Variants in GUCY1A2 observed in about 807,000 individuals in gnomAD.
GUCY1A2 encodes guanylate cyclase soluble subunit alpha-2.
A neutral mutation model predicts 63.5 loss-of-function variants in GUCY1A2; 27 were observed. The ratio of observed to expected loss-of-function variants is 0.43; its 90% CI spans 0.31 to 0.59. The LOEUF is 0.59. GUCY1A2 is among the 20% of genes least tolerant of loss of function. The pLI, the probability that GUCY1A2 is intolerant of heterozygous loss-of-function variation, is 0.11. For synonymous variants in GUCY1A2, 364 were observed against 343.5 expected (o/e 1.06, Z -0.66); for missense variants, 768 against 913.3 (o/e 0.84, Z 2.05).
At chr11:106,827,218 G>A (rs1447920776) in intron 4 of GUCY1A2, 2 of 1,525,450 alleles carry the variant, frequency 1.3e-6, no homozygotes, top group Non-Finnish European at 1.8e-6. Flanking sequence ...ATCTGATTTA[G>A]ATTTGCTTCT....
At chr11:106,979,329 C>T (rs1861304270) in intron 2 of GUCY1A2, among the ~76,000 whole-genome samples, 1 of 152,024 alleles carries the variant, frequency 6.6e-6, no homozygotes, top group Non-Finnish European at 1.5e-5. Context: ...GTGGCAGGCG[C>T]CTGTAGTCCC....
chr11:106,933,095 CA>C (rs1009017967), intron 4 of GUCY1A2, among the ~76,000 whole-genome samples: 2 of 152,010 alleles, frequency 1.3e-5, no homozygotes, highest in African/African-American at 4.8e-5. Flanking sequence ...AGCAACAAAA[CA>C]AAACAAAAAT....
intron 1 of GUCY1A2, among the ~76,000 whole-genome samples, chr11:107,008,524 GTACCAAA>G (rs1312262110): frequency 1.3e-5 from 2 of 152,148 alleles, no homozygotes; most frequent in African/African-American, 2.4e-5. Flanking sequence ...CAAAAGAGCA[GTACCAAA>G]TACATCATAA....
chr11:106,892,430 A>C (rs984939330), intron 4 of GUCY1A2, among the ~76,000 whole-genome samples: 6 of 152,112 alleles, frequency 3.9e-5, no homozygotes, highest in Admixed American at 3.9e-4. Context: ...TGGACTTTCA[A>C]CTAAGACCAG....
intron 6 of GUCY1A2, among the ~76,000 whole-genome samples, chr11:106,731,032 A>G (rs1206907696): frequency 1.3e-5 from 2 of 151,904 alleles, no homozygotes; most frequent in Non-Finnish European, 2.9e-5. Flanking sequence ...TATATTTTCT[A>G]CCATTCTGGA....
intron 1 of GUCY1A2, among the ~76,000 whole-genome samples, chr11:106,990,230 A>C (rs1003352407): frequency 6.6e-6 from 1 of 152,194 alleles, no homozygotes; most frequent in Non-Finnish European, 1.5e-5. Flanking sequence ...TGTGGTTCAA[A>C]CAGTGGGTAC....
At chr11:106,848,636 A>G (rs1206612472) in intron 4 of GUCY1A2, among the ~76,000 whole-genome samples, 1 of 151,620 alleles carries the variant, frequency 6.6e-6, no homozygotes, top group Non-Finnish European at 1.5e-5. Context: ...ATTATGATGG[A>G]AAAGTACCAA....
intron 2 of GUCY1A2, among the ~76,000 whole-genome samples, chr11:106,980,007 T>C (rs1347488829): frequency 2.0e-5 from 3 of 152,166 alleles, no homozygotes; most frequent in Admixed American, 6.5e-5. Context: ...CCACAGCTGG[T>C]AGAGATTGGG....
intron 6 of GUCY1A2, among the ~76,000 whole-genome samples, chr11:106,731,686 A>C (rs2135372046): frequency 6.6e-6 from 1 of 152,308 alleles, no homozygotes; most frequent in Non-Finnish European, 1.5e-5. Flanking sequence ...ACTTCAGCAA[A>C]GTTTCAGGAT....
chr11:106,942,159 T>G (rs886265128), intron 3 of GUCY1A2, among the ~76,000 whole-genome samples: 1 of 152,202 alleles, frequency 6.6e-6, no homozygotes, highest in Admixed American at 6.5e-5. Context: ...CATAAATACT[T>G]AAATCAATAC....
chr11:106,911,049 A>G (rs1173889574), intron 4 of GUCY1A2, among the ~76,000 whole-genome samples: 1 of 151,972 alleles, frequency 6.6e-6, no homozygotes, highest in Non-Finnish European at 1.5e-5. Flanking sequence ...TTCAGTAAGT[A>G]TGTATTAAAG....
At chr11:106,955,187 GTCT>G (rs1365751174) in intron 3 of GUCY1A2, among the ~76,000 whole-genome samples, 1 of 151,976 alleles carries the variant, frequency 6.6e-6, no homozygotes, top group Non-Finnish European at 1.5e-5. Context: ...GGTCAGGCTG[GTCT>G]TGAACTCCCA....
At chr11:106,996,823 A>C (rs932007925) in intron 1 of GUCY1A2, among the ~76,000 whole-genome samples, 15 of 152,176 alleles carry the variant, frequency 9.9e-5, no homozygotes, top group Admixed American at 9.8e-4. Flanking sequence ...ACTTCTCTTG[A>C]AAGAAAAAAC....
intron 1 of GUCY1A2, among the ~76,000 whole-genome samples, chr11:107,015,204 T>C (rs1861802940): frequency 6.6e-6 from 1 of 152,198 alleles, no homozygotes; most frequent in Admixed American, 6.5e-5. Flanking sequence ...TATATTCACC[T>C]GTATGTTCTC....
chr11:106,992,531 C>T (rs1861483891), intron 1 of GUCY1A2, among the ~76,000 whole-genome samples: 1 of 151,798 alleles, frequency 6.6e-6, no homozygotes, highest in African/African-American at 2.4e-5. Context: ...GGGGTTTCAC[C>T]ATGTTGGCCA....
chr11:107,001,059 A>C (rs2120181689), intron 1 of GUCY1A2, among the ~76,000 whole-genome samples: 1 of 152,310 alleles, frequency 6.6e-6, no homozygotes, highest in Admixed American at 6.5e-5. Context: ...AATTTGCTGA[A>C]GGGGTAATAT....
chr11:106,975,756 C>T (rs1861253821), intron 3 of GUCY1A2, among the ~76,000 whole-genome samples: 1 of 152,158 alleles, frequency 6.6e-6, no homozygotes, highest in African/African-American at 2.4e-5. Flanking sequence ...CCCATTACTC[C>T]AGAGGCATGA....
chr11:106,967,730 AGGAGGGAGGGAG>A (rs143647339), intron 3 of GUCY1A2, among the ~76,000 whole-genome samples: 9 of 112,316 alleles, frequency 8.0e-5, no homozygotes, highest in African/African-American at 2.7e-4. Context: ...AAGGGAGGAA[AGGAGGGAGGGAG>A]GGAGGGAGGG....
chr11:106,849,851 C>A (rs1591301222), intron 4 of GUCY1A2, among the ~76,000 whole-genome samples: 1 of 151,710 alleles, frequency 6.6e-6, no homozygotes, highest in East Asian at 1.9e-4. Flanking sequence ...GGTGAAGAGG[C>A]CCCTTTGTCT....
Sources: gnomAD v4.1 joint callset for allele counts (sites outside exome capture counted in the v4.1 genomes callset) on GRCh38, gnomAD v4.1.1 for gene constraint, MANE v1.5 for transcripts, NCBI Gene and HGNC (gene_info 2026-07-23, HGNC 2026-07-21) for gene names.